ACADM: variants seen among roughly 807,000 people sequenced by gnomAD.
ACADM encodes medium-chain specific acyl-CoA dehydrogenase, mitochondrial.
A neutral mutation model predicts 58.9 loss-of-function variants in ACADM; 49 were observed. That is an observed-to-expected ratio of 0.83 (90% confidence interval 0.66 to 1.06). ACADM has a LOEUF of 1.06. Ranked by LOEUF, ACADM falls within the 50% of genes least tolerant of loss-of-function variation. ACADM has a pLI of 0.00. For synonymous variants in ACADM, 160 were observed against 157.7 expected, an observed-to-expected ratio of 1.01 and a Z score of -0.11; for missense variants, 496 against 507.0, an observed-to-expected ratio of 0.98 and a Z score of 0.21.
intron 8 of ACADM, 36 bp from the exon 9 acceptor site, chr1:75,749,380 CAAA>C (rs752749506): frequency 1.9e-6 from 3 of 1,607,018 alleles, no homozygotes; most frequent in Non-Finnish European, 1.7e-6. Context: ...GATGCTGGCT[CAAA>C]AAAAATTCCT....
chr1:75,725,765 T>C (rs927800902), intron 1 of ACADM, among the ~76,000 whole-genome samples: 3 of 152,252 alleles, frequency 2.0e-5, no homozygotes, highest in African/African-American at 7.2e-5. Flanking sequence ...CCAATAGTTA[T>C]ATAGCATTAG....
In ACADM at chr1:75,732,889, G is replaced by T. The variant is rs398123075; in HGVS notation, c.253G>T (p.Gly85Cys). ...CCTAATTAGAAGAGCCTGGGAACTT[G>T]GTTTAATGAACACACACATTCCAGA... ...VPLIRRAWEL[G>C]LMNTHIPENC... The change falls in exon 4 of 12, where the codon GGT (glycine) becomes TGT (cysteine). Residue 85 changes from glycine (G) to cysteine (C), a missense_variant. Transcript: ENST00000370841. 5.6e-5 allele frequency: 90 copies of T among 1,613,730 alleles called. No homozygotes were observed. The highest frequency in any genetic ancestry group is 7.5e-5 in the Non-Finnish European group (89 of 1,179,878).
intron 1 of ACADM, among the ~76,000 whole-genome samples, chr1:75,725,604 T>C (rs1647040396): frequency 6.6e-6 from 1 of 152,192 alleles, no homozygotes; most frequent in South Asian, 2.1e-4. Flanking sequence ...AAAAACCTGA[T>C]ATAGAAAACT....
At chr1:75,725,999 A>G (rs1647049212) in intron 1 of ACADM, among the ~76,000 whole-genome samples, 1 of 152,212 alleles carries the variant, frequency 6.6e-6, no homozygotes, top group Non-Finnish European at 1.5e-5. Context: ...TAACTTTGTT[A>G]TGTAATTAAC....
intron 2 of ACADM, chr1:75,732,404 T>C: frequency 2.0e-6 from 1 of 498,438 alleles, no homozygotes; most frequent in Non-Finnish European, 3.6e-6. Flanking sequence ...TACAGGTTAA[T>C]ATCTATTACT....
At chr1:75,736,942 A>G (rs1442811970) in intron 6 of ACADM, among the ~76,000 whole-genome samples, 1 of 152,108 alleles carries the variant, frequency 6.6e-6, no homozygotes, top group Admixed American at 6.5e-5. Context: ...ATTTAACAAC[A>G]TGAACATTTT....
Position 75,761,129 on chromosome 1 carries a change from C to A in ACADM, c.953C>A (p.Ala318Glu). Residue 318 changes from alanine to glutamate, a missense_variant, in exon 11 of 12, where the codon GCA (alanine) becomes GAA (glutamate). Ala to Glu is a moderately radical substitution (Grantham distance 107, BLOSUM62 -1). Coordinates refer to ENST00000370841, the MANE Select transcript of ACADM (RefSeq NM_000016.6). ...TTTTCTTTTTAATTCTAGCACCAAG[C>A]AATATCATTTATGCTGGCTGAAATG... is the stretch of plus-strand genomic sequence containing the variant. ...TFGKLLVEHQ[A>E]ISFMLAEMAM... 2 of 1,613,838 alleles carry A rather than the reference C, an allele frequency of 1.2e-6. No individual in the cohort carries two copies. The highest frequency in any genetic ancestry group is 1.1e-5 in the South Asian group (1 of 91,072).
At chr1:75,744,151 T>C (rs1189108206) in intron 7 of ACADM, 2 of 1,576,008 alleles carry the variant, frequency 1.3e-6, no homozygotes, top group African/African-American at 1.3e-5. Flanking sequence ...GCTCAGCTAG[T>C]GGTGGGACAG....
Position 75,728,453 on chromosome 1 carries a change from A to G in ACADM, c.83A>G (p.Asn28Ser), listed in dbSNP as rs778035007. The change falls in exon 2 of 12, where the codon AAT becomes AGT. Residue 28 changes from asparagine to serine, a missense_variant. Transcript: ENST00000370841. ...TGGAGATCACAGCATACAAAAGCCA[A>G]TCGACAACGTGAACCAGGATTAGGA... is the stretch of plus-strand genomic sequence containing the variant. ...FHWRSQHTKA[N>S]RQREPGLGFS... The G allele has an allele frequency of 4.3e-6, 7 of 1,613,436 alleles. No individual in the cohort carries two copies. Among genetic ancestry groups the G allele is most frequent in the South Asian group, 1.1e-5 (1 of 91,070 alleles).
At chr1:75,732,590 A>T (rs1439504980) in intron 2 of ACADM, 54 bp from the exon 3 acceptor site, 3 of 1,340,408 alleles carry the variant, frequency 2.2e-6, no homozygotes, top group Admixed American at 1.7e-5. Context: ...CTGACTTCAT[A>T]GGACATTTTT....
intron 2 of ACADM, 131 bp from the exon 3 acceptor site, chr1:75,732,513 G>A: frequency 2.6e-6 from 2 of 768,874 alleles, no homozygotes; most frequent in South Asian, 1.5e-5. Flanking sequence ...GTCAAAAAAT[G>A]CACTGTAGTC....
At chr1:75,758,619 C>A (rs559497758) in intron 10 of ACADM, among the ~76,000 whole-genome samples, 9 of 140,828 alleles carry the variant, frequency 6.4e-5, no homozygotes, top group Admixed American at 2.8e-4. Context: ...ATGCACTAAT[C>A]AGCACTCTCT....
chr1:75,727,189 G>A (rs79227497), intron 1 of ACADM, among the ~76,000 whole-genome samples: 5,169 of 152,170 alleles, frequency 0.034, 286 homozygotes, highest in African/African-American at 0.12. Context: ...TGTAGTATGA[G>A]GTATGTTATT....
intron 10 of ACADM, among the ~76,000 whole-genome samples, chr1:75,751,786 A>G (rs899613432): frequency 2.0e-5 from 3 of 152,020 alleles, no homozygotes; most frequent in Non-Finnish European, 2.9e-5. Flanking sequence ...GGCCTGAACC[A>G]CTGCGCCTGG....
chr1:75,726,497 TG>T (rs1350163619), intron 1 of ACADM, among the ~76,000 whole-genome samples: 7 of 152,230 alleles, frequency 4.6e-5, no homozygotes, highest in African/African-American at 9.6e-5. Flanking sequence ...TGTTTTCCTT[TG>T]TTATGGAACC....
rs543790339 is a variant in ACADM, at chr1:75,761,190, G to A, written c.1014G>A (p.Gln338=). 6.2e-7 allele frequency: 1 copy of A among 1,614,058 alleles called. No individual in the cohort carries two copies. Among genetic ancestry groups the A allele is most frequent in the Non-Finnish European group, 8.5e-7 (1 of 1,180,028 alleles). The change falls in exon 11 of 12, where the codon CAG becomes CAA. Residue 338 remains glutamine, a synonymous_variant. Transcript: ENST00000370841. The part of the protein sequence containing the change: ...MKVELARMSY[Q]RAAWEVDSGR... ...TTGAACTAGCTAGAATGAGTTACCA[G>A]AGAGCAGCTTGGGAGGTTGATTCTG...
At chr1:75,748,550 A>T (rs999298977) in intron 8 of ACADM, among the ~76,000 whole-genome samples, 10 of 152,234 alleles carry the variant, frequency 6.6e-5, no homozygotes, top group African/African-American at 2.4e-4. Flanking sequence ...GCAGTAAAAT[A>T]AATGAATTAT....
chr1:75,731,147 C>T (rs1376035413), intron 2 of ACADM, among the ~76,000 whole-genome samples: 1 of 151,704 alleles, frequency 6.6e-6, no homozygotes, highest in Admixed American at 6.6e-5. Context: ...GGCGCGGTGG[C>T]AGGCACCTGT....
chr1:75,754,765 G>A lies in ACADM; in HGVS notation c.945+4219G>A, dbSNP rs371058029. 4.3e-4 allele frequency among the ~76,000 whole-genome samples: 66 copies of A among 152,282 alleles called. No individual in the cohort carries two copies. In the East Asian group the frequency reaches 4.8e-3, roughly 11 times the overall value. ...CGGGTTCATCTCACTGGGATTTGTC[G>A]TACAGTGGGCGCAGCCCACAGAGCA... On this transcript the variant is annotated intron_variant, in intron 10 of 11. Coordinates refer to ENST00000370841, the MANE Select transcript of ACADM (RefSeq NM_000016.6).
Sources: allele counts gnomAD v4.1 joint callset (sites outside exome capture counted in the v4.1 genomes callset), GRCh38; gene constraint gnomAD v4.1.1; transcripts MANE v1.5; gene names NCBI Gene and HGNC (gene_info 2026-07-23, HGNC 2026-07-21).